ABLIM2: variants seen among roughly 807,000 people sequenced by gnomAD.
ABLIM2 encodes the protein actin-binding LIM protein 2.
ABLIM2 carries 53 observed loss-of-function variants against 97.7 expected under a neutral mutation model. The ratio of observed to expected loss-of-function variants is 0.54; its 90% CI spans 0.44 to 0.68. The LOEUF is 0.68. Among genes scored for constraint, ABLIM2 ranks in the 30% least tolerant of loss-of-function variants. The pLI, the probability that ABLIM2 is intolerant of heterozygous loss-of-function variation, is 0.00. For synonymous variants in ABLIM2, 361 were observed against 345.8 expected, an observed-to-expected ratio of 1.04 and a Z score of -0.49; for missense variants, 835 against 867.2, an observed-to-expected ratio of 0.96 and a Z score of 0.47.
rs544193831 is a variant in ABLIM2, at chr4:8,120,075, C to T, written c.11-13438G>A. Among the ~76,000 whole-genome samples the T allele has an allele frequency of 2.0e-5, 3 of 152,178 alleles. No individual in the cohort carries two copies. The highest frequency in any genetic ancestry group is 2.9e-5 in the Non-Finnish European group (2 of 68,028). Reference sequence around the variant, plus strand: ...TTCACAGAGCGACAGGCACAGACGTCGGGCGGCAGGGTCCCTGGCGGCCCC... The same window carrying T: ...TTCACAGAGCGACAGGCACAGACGTTGGGCGGCAGGGTCCCTGGCGGCCCC... On this transcript the variant is annotated intron_variant, in intron 1 of 20. Transcript: ENST00000447017. This position sits in a 1 kb window ranked among gnomAD's most constrained non-coding sequence, Gnocchi z 5.6.
In ABLIM2 at chr4:8,071,546, C is replaced by A. The variant is rs908854643; in HGVS notation, c.675+6082G>T. Among the ~76,000 whole-genome samples the A allele has an allele frequency of 1.3e-5, 2 of 152,184 alleles. No homozygotes were observed. The highest frequency in any genetic ancestry group is 4.8e-5 in the African/African-American group (2 of 41,454). On this transcript the variant is annotated intron_variant, in intron 6 of 20. Transcript: ENST00000447017. This position sits in a 1 kb window ranked among gnomAD's most constrained non-coding sequence, Gnocchi z 6.2. ...CACGCAGACACAGCACAGGCGAGGGCTCGGCTGGCAGTGGGAGCCTGGGAT... is the reference window on the plus strand; with the variant it reads ...CACGCAGACACAGCACAGGCGAGGGATCGGCTGGCAGTGGGAGCCTGGGAT...
At chr4:8,136,620 G>A (rs923555327) in intron 1 of ABLIM2, among the ~76,000 whole-genome samples, 4 of 152,176 alleles carry the variant, frequency 2.6e-5, no homozygotes, top group Non-Finnish European at 5.9e-5. Context: ...CTGAGTACCC[G>A]GGACCCACCA....
intron 1 of ABLIM2, among the ~76,000 whole-genome samples, chr4:8,145,156 T>G (rs1851585145): frequency 6.6e-6 from 1 of 151,644 alleles, no homozygotes; most frequent in Non-Finnish European, 1.5e-5. Flanking sequence ...TGCCCAGTGT[T>G]GCTAGGTGCT....
At chr4:8,117,170 T>A (rs1350999629) in intron 1 of ABLIM2, among the ~76,000 whole-genome samples, 2 of 152,238 alleles carry the variant, frequency 1.3e-5, no homozygotes, top group Admixed American at 1.3e-4. Context: ...ACAGCCACTC[T>A]TGGAGGTAGA....
chr4:8,084,629 G>T (rs570064970), intron 4 of ABLIM2, among the ~76,000 whole-genome samples: 4 of 152,320 alleles, frequency 2.6e-5, no homozygotes, highest in Admixed American at 2.6e-4. Context: ...ACTCTGGTGG[G>T]GCCTCCCCAG....
At chr4:8,063,223 G>A (rs753985883) in intron 6 of ABLIM2, among the ~76,000 whole-genome samples, 13 of 152,144 alleles carry the variant, frequency 8.5e-5, no homozygotes, top group African/African-American at 1.4e-4. Flanking sequence ...ACGCCACCAC[G>A]CCCAGCTAAT....
At position 8,072,178 on chromosome 4, in the gene ABLIM2, C is replaced by T. The variant is rs1240139994; in HGVS notation, c.675+5450G>A. ...GCAGAGGAGGAGGAAAAAACCCAGA[C>T]CTGTTTTGCTCCTGTTCCTCGAATT... On this transcript the variant is annotated intron_variant, in intron 6 of 20. Transcript: ENST00000447017. The surrounding 1 kb of genome is among the most constrained non-coding windows in gnomAD (Gnocchi z 5.8). 6.6e-6 allele frequency among the ~76,000 whole-genome samples: 1 copy of T among 152,236 alleles called. No homozygotes were observed. Among genetic ancestry groups the T allele is most frequent in the African/African-American group, 2.4e-5 (1 of 41,454 alleles).
chr4:7,993,045 G>T (rs1750209899), intron 16 of ABLIM2, 118 bp from the exon 17 acceptor site: 2 of 1,009,482 alleles, frequency 2.0e-6, no homozygotes, highest in South Asian at 1.4e-5. Context: ...CACAGGGGAG[G>T]CCCCCTGAGG....
At chr4:7,973,318 T>A (rs1046803036) in intron 20 of ABLIM2, among the ~76,000 whole-genome samples, 1 of 151,068 alleles carries the variant, frequency 6.6e-6, no homozygotes, top group African/African-American at 2.4e-5. Flanking sequence ...CTGGCCAACA[T>A]GGCAAAACCC....
Position 8,069,173 on chromosome 4 carries a change from C to T in ABLIM2, c.676-8119G>A, listed in dbSNP as rs550381870. ...CCCGTTAAGGCGTGAGCCTCAGGAG[C>T]GCTTGGCCCAGCGGCCTCATTCTCT... On this transcript the variant is annotated intron_variant, in intron 6 of 20. Coordinates refer to ENST00000447017, the MANE Select transcript of ABLIM2 (RefSeq NM_001130083.2). This position sits in a 1 kb window ranked among gnomAD's most constrained non-coding sequence, Gnocchi z 4.2. Among the ~76,000 whole-genome samples, 19 of 152,408 alleles carry T rather than the reference C, an allele frequency of 1.2e-4. No homozygotes were observed. Among genetic ancestry groups the T allele is most frequent in the South Asian group, 2.1e-4 (1 of 4,834 alleles).
intron 17 of ABLIM2, among the ~76,000 whole-genome samples, chr4:7,989,072 C>CTTTTTTTTT (rs71175445): frequency 5.0e-4 from 41 of 81,356 alleles, no homozygotes; most frequent in Non-Finnish European, 6.3e-4. Flanking sequence ...ACACATTAGT[C>CTTTTTTTTT]TTTTTTTTTT....
chr4:8,115,077 A>T (rs1243617957), intron 1 of ABLIM2, among the ~76,000 whole-genome samples: 1 of 152,192 alleles, frequency 6.6e-6, no homozygotes, highest in Non-Finnish European at 1.5e-5. Context: ...GACCGCAAAC[A>T]GCTTGGCTCT....
chr4:8,137,542 T>C (rs1047596098), intron 1 of ABLIM2, among the ~76,000 whole-genome samples: 8 of 152,168 alleles, frequency 5.3e-5, no homozygotes, highest in Non-Finnish European at 1.2e-4. Context: ...CTGGCCCTCA[T>C]GGGAGCCCCT....
chr4:8,077,935 G>C lies in ABLIM2; in HGVS notation c.582-214C>G, dbSNP rs1041998639. Among the ~76,000 whole-genome samples, 59 of 152,194 alleles carry C rather than the reference G, an allele frequency of 3.9e-4. 2 individuals are homozygous for C. The highest frequency in any genetic ancestry group is 7.3e-5 in the Non-Finnish European group (5 of 68,034). On this transcript the variant is annotated intron_variant, in intron 5 of 20. Coordinates refer to ENST00000447017, the MANE Select transcript of ABLIM2 (RefSeq NM_001130083.2). Reference sequence around the variant, plus strand: ...ATGACAATGGTCCCATTTCACAGACGGAGAAACTGAGGAGCACAGGCCAGA... The same window carrying C: ...ATGACAATGGTCCCATTTCACAGACCGAGAAACTGAGGAGCACAGGCCAGA...
Position 8,098,815 on chromosome 4 carries a change from G to C in ABLIM2, c.155-1533C>G, listed in dbSNP as rs111478038. 3.2e-3 allele frequency among the ~76,000 whole-genome samples: 482 copies of C among 152,314 alleles called. 3 individuals carry two copies. Among genetic ancestry groups the C allele is most frequent in the African/African-American group, 0.011 (453 of 41,560 alleles). On this transcript the variant is annotated intron_variant, in intron 2 of 20. Coordinates refer to ENST00000447017, the MANE Select transcript of ABLIM2 (RefSeq NM_001130083.2). ...TGAGCCAGTGCGATGTGAGACCTGA[G>C]TCCTGCCTGGCTCAGTGTCGAGGCC...
chr4:8,126,394 C>T (rs936278986), intron 1 of ABLIM2, among the ~76,000 whole-genome samples: 8 of 151,902 alleles, frequency 5.3e-5, no homozygotes, highest in African/African-American at 1.7e-4. Flanking sequence ...GCTCTGCTTC[C>T]AGGGGTCTGG....
chr4:8,032,668 G>A lies in ABLIM2; in HGVS notation c.1048-2892C>T, dbSNP rs1260708377. ...GTTACCTCGGTCGGCGTTGGCGAGA[G>A]CAACTGAGGGGACTGTGGACACAAC... On this transcript the variant is annotated intron_variant, in intron 10 of 20. Coordinates refer to ENST00000447017, the MANE Select transcript of ABLIM2 (RefSeq NM_001130083.2). This position sits in a 1 kb window ranked among gnomAD's most constrained non-coding sequence, Gnocchi z 4.3. 6.2e-7 allele frequency: 1 copy of A among 1,612,612 alleles called. No homozygotes were observed. The highest frequency in any genetic ancestry group is 1.1e-5 in the South Asian group (1 of 91,074).
rs200961918 is a variant in ABLIM2 at position 7,983,559 on chromosome 4, AAG to A, written c.1736-7_1736-6del. 2.4e-5 allele frequency: 38 copies of A among 1,612,564 alleles called. No individual in the cohort carries two copies. Among genetic ancestry groups the A allele is most frequent in the Non-Finnish European group, 3.0e-5 (35 of 1,179,376 alleles). On this transcript the variant is annotated splice_polypyrimidine_tract_variant and splice_region_variant and intron_variant, in intron 18 of 20. Coordinates refer to ENST00000447017, the MANE Select transcript of ABLIM2 (RefSeq NM_001130083.2). ...CGGCCCCGCTTACCTTGTATTCTGT[AAG>A]AGAGAGAGAGCGGAGACCACGAAAT...
At position 8,020,250 on chromosome 4, in the gene ABLIM2, G is replaced by A. The variant is rs1332292391; in HGVS notation, c.1321C>T (p.Pro441Ser). Reference sequence around the variant, plus strand: ...GCCTGCTGGTAGGTGGAGGGGGGCGGCTTGCTGTCAGAGAGCACGGAGAGG... The same window carrying A: ...GCCTGCTGGTAGGTGGAGGGGGGCGACTTGCTGTCAGAGAGCACGGAGAGG... ...PSLSVLSDSK[P>S]PPSTYQQAPR... is the part of the protein sequence containing the mutation. The change falls in exon 13 of 21, where the codon CCG (proline) becomes TCG (serine). Residue 441 changes from proline (P) to serine (S), a missense_variant. By Grantham distance (74) the Pro-to-Ser change is moderately conservative. Coordinates refer to ENST00000447017, the MANE Select transcript of ABLIM2 (RefSeq NM_001130083.2). 2.5e-6 allele frequency: 4 copies of A among 1,613,916 alleles called. No homozygotes were observed. The highest frequency in any genetic ancestry group is 1.7e-4 in the Middle Eastern group (1 of 6,054).
Sources: gnomAD v4.1 joint callset for allele counts (sites outside exome capture counted in the v4.1 genomes callset) on GRCh38, gnomAD v4.1.1 for gene constraint, Gnocchi (gnomAD v3.1) non-coding constraint, MANE v1.5 for transcripts, NCBI Gene and HGNC (gene_info 2026-07-23, HGNC 2026-07-21) for gene names.